Variants in SCN2A observed in about 807,000 individuals in gnomAD.
The protein encoded by SCN2A is sodium voltage-gated channel alpha subunit 2, also known as sodium channel protein type 2 subunit alpha.
Under a neutral mutation model 188.7 loss-of-function variants are expected in SCN2A, and 20 were observed. The observed-to-expected ratio is 0.11, with a 90% CI of 0.07 to 0.15. The LOEUF is 0.15. Ranked by LOEUF, SCN2A falls within the 10% of genes least tolerant of loss-of-function variation. SCN2A has a pLI of 1.00. For synonymous variants in SCN2A, 804 were observed against 833.1 expected (o/e 0.97, Z 0.60); for missense variants, 1,278 against 2,445.0 (o/e 0.52, Z 10.07).
intron 1 of SCN2A, chr2:165,271,326 A>G (rs1021473525): frequency 2.6e-5 from 4 of 152,144 alleles, no homozygotes; most frequent in African/African-American, 9.7e-5. Context: ...GCCTAATTGG[A>G]CTTGTGCTTC....
chr2:165,278,742 G>A (rs1219358676), intron 1 of SCN2A, among the ~76,000 whole-genome samples: 1 of 152,032 alleles, frequency 6.6e-6, no homozygotes, highest in African/African-American at 2.4e-5. Flanking sequence ...ACCAGCGCTG[G>A]CAACATAGTA....
intron 11 of SCN2A, among the ~76,000 whole-genome samples, chr2:165,322,193 C>T (rs1162190756): frequency 6.6e-6 from 1 of 152,178 alleles, no homozygotes. Flanking sequence ...AGTGAAAAAG[C>T]ACCATTTCCT....
chr2:165,325,652 C>T (rs1421216941), intron 12 of SCN2A, among the ~76,000 whole-genome samples: 1 of 151,958 alleles, frequency 6.6e-6, no homozygotes, highest in Non-Finnish European at 1.5e-5. Context: ...AAAACTTTGC[C>T]TCTTTCTGAC....
chr2:165,357,133 G>T (rs1371967961), intron 17 of SCN2A, among the ~76,000 whole-genome samples: 2 of 152,048 alleles, frequency 1.3e-5, no homozygotes, highest in African/African-American at 4.8e-5. Flanking sequence ...AATGATGAGG[G>T]TTATCGCCGT....
chr2:165,291,412 CT>C (rs1559339956), intron 1 of SCN2A, among the ~76,000 whole-genome samples: 9 of 141,288 alleles, frequency 6.4e-5, no homozygotes, highest in African/African-American at 2.1e-4. Flanking sequence ...TCCTTCCTTC[CT>C]TCCTCCCTGT....
At position 165,390,959 on chromosome 2, in the gene SCN2A, A is replaced by C. The variant is rs1171665698; in HGVS notation, c.*1135A>C. On this transcript the variant is annotated 3_prime_UTR_variant, in exon 27 of 27. Coordinates refer to ENST00000375437, the MANE Select transcript of SCN2A (RefSeq NM_001040142.2). ...TTACCCAGTGGTGCATGTTTGAGCA[A>C]ACAAAAATGATGATTTAAGCACACT... is the stretch of plus-strand genomic sequence containing the variant. The C allele has an allele frequency of 6.6e-6, 1 of 152,592 alleles. No homozygotes were observed. Among genetic ancestry groups the C allele is most frequent in the East Asian group, 1.9e-4 (1 of 5,198 alleles). 9.5% of individuals were successfully genotyped at this position (152,592 alleles called of 1,614,324 possible).
intron 3 of SCN2A, among the ~76,000 whole-genome samples, chr2:165,298,125 G>A (rs1324624135): frequency 6.6e-6 from 1 of 152,168 alleles, no homozygotes; most frequent in African/African-American, 2.4e-5. Flanking sequence ...CAGGGGAACT[G>A]AAATTAAGCA....
intron 20 of SCN2A, chr2:165,370,612 A>G: frequency 3.4e-6 from 1 of 291,140 alleles, no homozygotes. Context: ...CATTTCGCAA[A>G]ATAACTTGTA....
intron 1 of SCN2A, among the ~76,000 whole-genome samples, chr2:165,289,685 C>T (rs1278366807): frequency 6.6e-6 from 1 of 152,100 alleles, no homozygotes; most frequent in Non-Finnish European, 1.5e-5. Flanking sequence ...AAATGAGAAA[C>T]AGACTATAAT....
chr2:165,381,048 C>A, intron 24 of SCN2A, 45 bp from the exon 25 acceptor site: 1 of 1,335,120 alleles, frequency 7.5e-7, no homozygotes, highest in African/African-American at 1.4e-5. Flanking sequence ...ATTTTATAGC[C>A]AGCAAAGAAC....
chr2:165,278,311 T>A (rs1695432961), intron 1 of SCN2A, among the ~76,000 whole-genome samples: 1 of 152,158 alleles, frequency 6.6e-6, no homozygotes, highest in Non-Finnish European at 1.5e-5. Context: ...GGAAAGAGGT[T>A]TAATTGATTC....
chr2:165,338,369 G>A (rs960254222), intron 14 of SCN2A, among the ~76,000 whole-genome samples: 2 of 149,022 alleles, frequency 1.3e-5, no homozygotes, highest in Admixed American at 6.8e-5. Flanking sequence ...ACGTTGTTCT[G>A]CTGCCTTAGC....
chr2:165,344,969 G>A (rs1574642536), intron 16 of SCN2A, 58 bp downstream of exon 16: 2 of 1,605,574 alleles, frequency 1.2e-6, no homozygotes, highest in East Asian at 2.2e-5. Context: ...TCATTAAAAA[G>A]TGTGTTCAAC....
At chr2:165,276,226 A>C (rs906099974) in intron 1 of SCN2A, among the ~76,000 whole-genome samples, 19 of 152,034 alleles carry the variant, frequency 1.2e-4, no homozygotes, top group African/African-American at 1.7e-4. Flanking sequence ...ATGATATTTC[A>C]TAATAAGGTG....
rs562102050 is a variant in SCN2A at position 165,375,539 on chromosome 2, AGGGAAGG to A, written c.4254+576_4254+582del. On this transcript the variant is annotated intron_variant, in intron 22 of 26. Coordinates refer to ENST00000375437, the MANE Select transcript of SCN2A (RefSeq NM_001040142.2). ...TGTGTGCGTGTATATAGAAGTAGTC[AGGGAAGG>A]GGCAGAGCCTGTGGCACTAAGAAAC... Among the ~76,000 whole-genome samples, 221 of 152,104 alleles carry A rather than the reference AGGGAAGG, an allele frequency of 1.5e-3. 1 individual carries two copies. The highest frequency in any genetic ancestry group is 5.1e-3 in the African/African-American group (213 of 41,542).
At chr2:165,317,728 G>T (rs1420952665) in intron 11 of SCN2A, among the ~76,000 whole-genome samples, 1 of 152,098 alleles carries the variant, frequency 6.6e-6, no homozygotes, top group Non-Finnish European at 1.5e-5. Flanking sequence ...CCATTTCCCA[G>T]CTAGTTGGGT....
At chr2:165,318,834 C>G (rs571580147) in intron 11 of SCN2A, among the ~76,000 whole-genome samples, 6 of 152,180 alleles carry the variant, frequency 3.9e-5, no homozygotes, top group African/African-American at 1.2e-4. Context: ...CTGTTATTTC[C>G]TCATAGCTAA....
chr2:165,381,580 C>T (rs954319515), intron 25 of SCN2A, among the ~76,000 whole-genome samples: 17 of 151,904 alleles, frequency 1.1e-4, no homozygotes, highest in South Asian at 8.3e-4. Flanking sequence ...ATAATTGGTA[C>T]GTCACAGATT....
chr2:165,288,340 G>T (rs12477385), intron 1 of SCN2A, among the ~76,000 whole-genome samples: 31,164 of 151,222 alleles, frequency 0.21, 3,676 homozygotes, highest in East Asian at 0.35. Flanking sequence ...TTAGACTTTT[G>T]TTACCTAAAA....
Sources: allele counts gnomAD v4.1 joint callset (sites outside exome capture counted in the v4.1 genomes callset), GRCh38; gene constraint gnomAD v4.1.1; transcripts MANE v1.5; gene names NCBI Gene and HGNC (gene_info 2026-07-23, HGNC 2026-07-21).